PKP4: variants seen among roughly 807,000 people sequenced by gnomAD.
PKP4 encodes the protein plakophilin-4.
In PKP4, 90 loss-of-function variants were observed where a neutral mutation model predicts 145.1. The ratio of observed to expected loss-of-function variants is 0.62; its 90% CI spans 0.52 to 0.74. The LOEUF (loss-of-function observed/expected upper bound fraction) is 0.74. Ranked by LOEUF, PKP4 falls within the 30% of genes least tolerant of loss-of-function variation. The pLI is 0.00. For synonymous variants in PKP4, 563 were observed against 577.2 expected, an observed-to-expected ratio of 0.98 and a Z score of 0.35; for missense variants, 1,340 against 1,482.7, an observed-to-expected ratio of 0.90 and a Z score of 1.58.
chr2:158,572,808 A>T (rs78616839), intron 2 of PKP4, among the ~76,000 whole-genome samples: 1 of 152,192 alleles, frequency 6.6e-6, no homozygotes, highest in South Asian at 2.1e-4. Context: ...TTCTATGCCT[A>T]TGAGACAACC....
chr2:158,625,450 A>G (rs1468918789), intron 7 of PKP4, 23 bp downstream of exon 7: 2 of 1,553,126 alleles, frequency 1.3e-6, no homozygotes, highest in Non-Finnish European at 1.8e-6. Context: ...TGACAGTGCT[A>G]CATAAAACCC....
At chr2:158,478,341 C>T (rs1022768466) in intron 1 of PKP4, among the ~76,000 whole-genome samples, 1 of 151,772 alleles carries the variant, frequency 6.6e-6, no homozygotes, top group African/African-American at 2.4e-5. Flanking sequence ...TTTTCACAAG[C>T]AGATGACGTG....
At chr2:158,586,425 T>G (rs719931) in intron 3 of PKP4, among the ~76,000 whole-genome samples, 108,212 of 152,068 alleles carry the variant, frequency 0.71, 39,817 homozygotes, top group Non-Finnish European at 0.8. Flanking sequence ...TGTCTGTAAT[T>G]ATTTAGTTTT....
At chr2:158,492,140 C>T (rs1482731024) in intron 1 of PKP4, among the ~76,000 whole-genome samples, 1 of 151,746 alleles carries the variant, frequency 6.6e-6, no homozygotes, top group Admixed American at 6.6e-5. Context: ...TTACTTTATA[C>T]AATTTGGCTC....
At chr2:158,501,380 C>T (rs796158595) in intron 1 of PKP4, among the ~76,000 whole-genome samples, 14 of 152,356 alleles carry the variant, frequency 9.2e-5, no homozygotes, top group African/African-American at 3.1e-4. Flanking sequence ...CTAATTGCTA[C>T]ATGCCAGGTT....
chr2:158,464,739 A>G (rs1419080953), intron 1 of PKP4, among the ~76,000 whole-genome samples: 1 of 152,238 alleles, frequency 6.6e-6, no homozygotes, highest in South Asian at 2.1e-4. Flanking sequence ...TTGCAGTGAA[A>G]TGGATCATGT....
rs1178921835 is a variant in PKP4, at chr2:158,566,600, C to A, written c.133-10671C>A. Among the ~76,000 whole-genome samples, 4 of 152,090 alleles carry A rather than the reference C, an allele frequency of 2.6e-5. No homozygotes were observed. In the East Asian group the frequency reaches 7.7e-4, roughly 29 times the overall value. ...GCATTACATTTTAAAGAAAATCTCA[C>A]CATGTTTTTTATATTAATTCTACCA... On this transcript the variant is annotated intron_variant, in intron 2 of 21. Transcript: ENST00000389759.
intron 7 of PKP4, 151 bp from the exon 8 acceptor site, chr2:158,631,601 GA>G (rs1343127984): frequency 8.6e-6 from 6 of 700,148 alleles, no homozygotes; most frequent in Admixed American, 4.5e-5. Context: ...TCTGTTCCCA[GA>G]CTGGTCTCAA....
chr2:158,492,538 C>CGCCACCCTGCTTCCCCTCCT (rs1695093804), intron 1 of PKP4, among the ~76,000 whole-genome samples: 1 of 152,206 alleles, frequency 6.6e-6, no homozygotes, highest in South Asian at 2.1e-4. Flanking sequence ...CTTTGGCTTC[C>CGCCACCCTGCTTCCCCTCCT]GCCACCCTGC....
chr2:158,617,075 A>G (rs965083758), intron 4 of PKP4, among the ~76,000 whole-genome samples: 5 of 152,188 alleles, frequency 3.3e-5, no homozygotes, highest in East Asian at 1.9e-4. Flanking sequence ...AGTATTTTCT[A>G]TAGATGCAAT....
At chr2:158,478,019 T>A (rs1325425282) in intron 1 of PKP4, among the ~76,000 whole-genome samples, 1 of 152,102 alleles carries the variant, frequency 6.6e-6, no homozygotes, top group East Asian at 1.9e-4. Flanking sequence ...TAAGAGAAAT[T>A]TCTAGTTCTG....
At chr2:158,547,352 A>G (rs1479814242) in intron 2 of PKP4, among the ~76,000 whole-genome samples, 1 of 152,224 alleles carries the variant, frequency 6.6e-6, no homozygotes. Flanking sequence ...CCATTGATAC[A>G]TGCACCATGG....
intron 1 of PKP4, among the ~76,000 whole-genome samples, chr2:158,497,508 C>G (rs1695918008): frequency 6.6e-6 from 1 of 152,018 alleles, no homozygotes; most frequent in Non-Finnish European, 1.5e-5. Context: ...TCTTTTAATT[C>G]TCTAAAATCT....
intron 2 of PKP4, among the ~76,000 whole-genome samples, chr2:158,537,231 G>A (rs1574363164): frequency 6.6e-6 from 1 of 152,134 alleles, no homozygotes; most frequent in Non-Finnish European, 1.5e-5. Flanking sequence ...TATCCATATT[G>A]ATAAAGGATT....
At chr2:158,543,669 A>G (rs1324136736) in intron 2 of PKP4, among the ~76,000 whole-genome samples, 1 of 152,234 alleles carries the variant, frequency 6.6e-6, no homozygotes, top group Non-Finnish European at 1.5e-5. Context: ...CAGAAATTAC[A>G]ATCCTGCAGA....
chr2:158,633,977 A>G, intron 8 of PKP4, 93 bp from the exon 9 acceptor site: 1 of 710,184 alleles, frequency 1.4e-6, no homozygotes, highest in Non-Finnish European at 2.4e-6. Context: ...TTGCCAAAAA[A>G]TATAGTCCTT....
intron 4 of PKP4, among the ~76,000 whole-genome samples, chr2:158,604,169 A>T (rs2050456487): frequency 6.6e-6 from 1 of 152,238 alleles, no homozygotes; most frequent in Non-Finnish European, 1.5e-5. Context: ...GACAGCCCAC[A>T]TCTGAGATGG....
chr2:158,582,367 C>G (rs1205795570), intron 3 of PKP4, among the ~76,000 whole-genome samples: 1 of 152,046 alleles, frequency 6.6e-6, no homozygotes, highest in African/African-American at 2.4e-5. Flanking sequence ...TCACCTCATC[C>G]AAAAGTATTT....
At chr2:158,581,588 T>A (rs569174413) in intron 3 of PKP4, among the ~76,000 whole-genome samples, 1 of 152,354 alleles carries the variant, frequency 6.6e-6, no homozygotes, top group Admixed American at 6.5e-5. Flanking sequence ...GCTTATGCTG[T>A]GATAAACAAA....
Sources: allele counts gnomAD v4.1 joint callset (sites outside exome capture counted in the v4.1 genomes callset), GRCh38; gene constraint gnomAD v4.1.1; transcripts MANE v1.5; gene names NCBI Gene and HGNC (gene_info 2026-07-23, HGNC 2026-07-21).